Variants in ARFGEF2 observed in about 807,000 individuals in gnomAD.
ARFGEF2 encodes the protein brefeldin A-inhibited guanine nucleotide-exchange protein 2.
Under a neutral mutation model 219.9 loss-of-function variants are expected in ARFGEF2, and 74 were observed. The ratio of observed to expected loss-of-function variants is 0.34; its 90% confidence interval spans 0.28 to 0.41. The LOEUF (loss-of-function observed/expected upper bound fraction) is 0.41. Ranked by LOEUF, ARFGEF2 falls within the 10% of genes least tolerant of loss-of-function variation. The probability of loss-of-function intolerance (pLI) is 1.00; values close to 1 mark genes in which losing one functional copy is unlikely to be tolerated. For missense variants in ARFGEF2, 1,743 were observed against 2,218.3 expected (o/e 0.79, Z 4.30); for synonymous variants, 733 against 799.2 (o/e 0.92, Z 1.40).
Position 48,971,137 on chromosome 20 carries a change from C to T in ARFGEF2, c.1208C>T (p.Ser403Phe), listed in dbSNP as rs765964346. 6.2e-7 allele frequency: 1 copy of T among 1,614,030 alleles called. No individual in the cohort carries two copies. Residue 403 changes from serine to phenylalanine, a missense_variant, in exon 10 of 39, where the codon TCC becomes TTC. By Grantham distance (155) the Ser-to-Phe change is radical. Around this residue, in one of 5 missense-constraint regions of ARFGEF2, gnomAD observed 666 missense variants for 955.4 expected, o/e 0.70. Transcript: ENST00000371917. ...TTTGCCAGATCCCATGAGCTGCGTT[C>T]CAAGGTGGTTTCCCTGCAGCTGCTC... ...PPDPKSHELR[S>F]KVVSLQLLLS...
At position 48,989,402 on chromosome 20, in the gene ARFGEF2, C is replaced by T; in HGVS notation, c.2651C>T (p.Ala884Val). Residue 884 changes from alanine to valine, a missense_variant, in exon 19 of 39, where the codon GCC becomes GTC. Ala to Val is a moderately conservative substitution (Grantham distance 64). Transcript: ENST00000371917. ...VSHAKAPFTS[A>V]THLDHVRPMF... ...CATGCCAAAGCCCCGTTTACCAGTG[C>T]CACTCACCTGGACCATGTCCGGCCA... 1 of 1,614,224 alleles carries T rather than the reference C, an allele frequency of 6.2e-7. No individual in the cohort carries two copies. The highest frequency in any genetic ancestry group is 8.5e-7 in the Non-Finnish European group (1 of 1,180,038).
chr20:48,930,907 G>A (rs1405142339), intron 1 of ARFGEF2, among the ~76,000 whole-genome samples: 1 of 152,214 alleles, frequency 6.6e-6, no homozygotes, highest in East Asian at 1.9e-4. Context: ...ACGAAATAGA[G>A]CAGAGATGGG....
At chr20:48,928,013 G>C (rs1471030347) in intron 1 of ARFGEF2, among the ~76,000 whole-genome samples, 2 of 152,084 alleles carry the variant, frequency 1.3e-5, no homozygotes, top group African/African-American at 4.8e-5. Flanking sequence ...AGTTTGATTT[G>C]CTTATTGATA....
At chr20:49,010,468 T>C (rs1249799952) in intron 27 of ARFGEF2, 64 bp downstream of exon 27, 7 of 1,583,548 alleles carry the variant, frequency 4.4e-6, no homozygotes, top group Non-Finnish European at 6.0e-6. Context: ...TGTCACTTGC[T>C]GTCTATTTTA....
In ARFGEF2 at chr20:49,034,542, AC is replaced by A. The variant is rs1000455435; in HGVS notation, c.*1346del. ...CACACACGCCTCATTCTCTGCCCTC[AC>A]CCACTGCTCACCTAGAGCATCGCTG... On this transcript the variant is annotated 3_prime_UTR_variant, in exon 39 of 39. Transcript: ENST00000371917. 4 of 152,154 alleles carry A rather than the reference AC, an allele frequency of 2.6e-5. No individual in the cohort carries two copies. Among genetic ancestry groups the A allele is most frequent in the African/African-American group, 9.7e-5 (4 of 41,422 alleles). The allele number at this position is 152,154 out of a possible 1,614,324, so 9.4% of individuals were successfully genotyped here.
Position 49,010,298 on chromosome 20 carries a change from C to T in ARFGEF2, c.3651C>T (p.Asn1217=), listed in dbSNP as rs748211071. The T allele has an allele frequency of 5.0e-6, 8 of 1,614,056 alleles. No homozygotes were observed. Among genetic ancestry groups the T allele is most frequent in the Non-Finnish European group, 6.8e-6 (8 of 1,179,990 alleles). ...AGATGGTGAACTCCCAGGCGGCCAA[C>T]ATCCGCTCAGGTTGGAAGAACATCT... The part of the protein sequence containing the change: ...IAQMVNSQAA[N]IRSGWKNIFA... The change falls in exon 27 of 39, where the codon AAC becomes AAT. Residue 1217 remains asparagine, a synonymous_variant. Transcript: ENST00000371917.
intron 12 of ARFGEF2, among the ~76,000 whole-genome samples, chr20:48,974,534 C>G (rs2091248684): frequency 1.3e-5 from 2 of 151,952 alleles, no homozygotes; most frequent in South Asian, 4.2e-4. Flanking sequence ...AACACATATC[C>G]CATATTTTTG....
intron 25 of ARFGEF2, among the ~76,000 whole-genome samples, chr20:49,001,320 A>G (rs1259734116): frequency 6.6e-6 from 1 of 152,120 alleles, no homozygotes; most frequent in Non-Finnish European, 1.5e-5. Flanking sequence ...GATTACAGGC[A>G]TGAACCACCG....
chr20:48,991,360 G>A (rs1227331515), intron 21 of ARFGEF2, among the ~76,000 whole-genome samples, 162 bp downstream of exon 21: 4 of 152,072 alleles, frequency 2.6e-5, no homozygotes, highest in Admixed American at 2.0e-4. Flanking sequence ...AGGCGGGGGC[G>A]AGTTCAGGCG....
chr20:48,935,574 C>T (rs74527682), intron 1 of ARFGEF2, among the ~76,000 whole-genome samples: 2 of 152,246 alleles, frequency 1.3e-5, no homozygotes, highest in African/African-American at 4.8e-5. Context: ...AAAACCGCCA[C>T]TGTCATCATG....
chr20:49,007,037 C>T (rs1404851241), intron 26 of ARFGEF2, among the ~76,000 whole-genome samples: 1 of 151,998 alleles, frequency 6.6e-6, no homozygotes, highest in Non-Finnish European at 1.5e-5. Flanking sequence ...AAAGGATCAC[C>T]CTGCATTTAT....
At chr20:49,025,206 G>T (rs2091594271) in intron 35 of ARFGEF2, 107 bp from the exon 36 acceptor site, 3 of 1,147,622 alleles carry the variant, frequency 2.6e-6, no homozygotes, top group Admixed American at 4.0e-5. Flanking sequence ...GTGTCTTATA[G>T]ACAGGGATGA....
intron 37 of ARFGEF2, 89 bp from the exon 38 acceptor site, chr20:49,031,960 T>A (rs928505079): frequency 4.2e-5 from 43 of 1,013,854 alleles, no homozygotes; most frequent in African/African-American, 6.4e-5. Context: ...AAAATAATTT[T>A]AAAAATAGCA....
Position 48,951,381 on chromosome 20 carries a change from A to G in ARFGEF2, c.335A>G (p.Lys112Arg), listed in dbSNP as rs1284398539. Residue 112 changes from lysine (K) to arginine (R), a missense_variant, in exon 4 of 39, where the codon AAG becomes AGG. Lys to Arg is a conservative substitution (Grantham distance 26). Around this residue, in one of 5 missense-constraint regions of ARFGEF2, gnomAD observed 394 missense variants for 426.6 expected, o/e 0.92. Coordinates refer to ENST00000371917, the MANE Select transcript of ARFGEF2 (RefSeq NM_006420.3). ...GNAPDSGAPGKRLIDRIVETI... is the reference protein window; with the variant it reads ...GNAPDSGAPGRRLIDRIVETI... ...GCCCCTGACAGTGGAGCCCCTGGGA[A>G]GCGGCTGATCGACAGAATTGTTGAA... 1.9e-6 allele frequency: 3 copies of G among 1,614,114 alleles called. No homozygotes were observed. The highest frequency in any genetic ancestry group is 2.7e-5 in the African/African-American group (2 of 74,940).
intron 27 of ARFGEF2, among the ~76,000 whole-genome samples, chr20:49,010,892 TGTG>T (rs1310744547): frequency 2.0e-5 from 3 of 152,180 alleles, no homozygotes; most frequent in Non-Finnish European, 4.4e-5. Flanking sequence ...CGTTCCCAGT[TGTG>T]GTGGAAGAAG....
At chr20:48,963,235 G>A (rs1039913192) in intron 6 of ARFGEF2, among the ~76,000 whole-genome samples, 48 of 151,324 alleles carry the variant, frequency 3.2e-4, no homozygotes, top group South Asian at 2.1e-4. Flanking sequence ...TTTACTTTAC[G>A]TAAGCTCTTT....
Position 48,999,163 on chromosome 20 carries a change from G to A in ARFGEF2, c.3432+658G>A, listed in dbSNP as rs911353456. On this transcript the variant is annotated intron_variant, in intron 25 of 38. Coordinates refer to ENST00000371917, the MANE Select transcript of ARFGEF2 (RefSeq NM_006420.3). ...TGAGGCAGGAGAATTGCTTGAACCT[G>A]GGAGGTGGAGGTTGCAGTGAGTCGA... 5 of 395,738 alleles carry A rather than the reference G, an allele frequency of 1.3e-5. No individual in the cohort carries two copies. The Admixed American group carries it at 1.6e-4, about 12-fold the overall frequency. The allele number at this position is 395,738 out of a possible 1,614,324, so 24.5% of individuals were successfully genotyped here. A position where few individuals can be genotyped will look rare whatever the true frequency, so the allele number is the denominator to read the frequency against.
At chr20:48,956,887 T>C (rs1488692978) in intron 6 of ARFGEF2, among the ~76,000 whole-genome samples, 2 of 152,174 alleles carry the variant, frequency 1.3e-5, no homozygotes, top group Non-Finnish European at 2.9e-5. Flanking sequence ...ACCAGGATCT[T>C]TGTTTTAGAC....
intron 10 of ARFGEF2, among the ~76,000 whole-genome samples, chr20:48,971,597 T>C (rs1225197966): frequency 6.6e-6 from 1 of 152,152 alleles, no homozygotes; most frequent in East Asian, 1.9e-4. Flanking sequence ...AGAATATCTT[T>C]TTATAAAAAG....
Sources: gnomAD v4.1 joint callset for allele counts (sites outside exome capture counted in the v4.1 genomes callset) on GRCh38, gnomAD v4.1.1 for gene constraint, gnomAD v4.1.1 regional missense constraint, MANE v1.5 for transcripts, NCBI Gene and HGNC (gene_info 2026-07-23, HGNC 2026-07-21) for gene names.